The following RELCH variants were observed in gnomAD, a reference collection of about 807,000 sequenced individuals.
RELCH encodes the protein RAB11-binding protein RELCH.
In RELCH, 41 loss-of-function variants were observed where a neutral mutation model predicts 150.3. The ratio of observed to expected loss-of-function variants is 0.27; its 90% CI spans 0.21 to 0.35. RELCH has a LOEUF of 0.35. Among genes scored for constraint, RELCH ranks in the 10% least tolerant of loss-of-function variants. The pLI, the probability that RELCH is intolerant of heterozygous loss-of-function variation, is 1.00. For missense variants in RELCH, 1,092 were observed against 1,467.8 expected (o/e 0.74, Z 4.18); for synonymous variants, 478 against 531.8 (o/e 0.90, Z 1.39).
At chr18:62,220,755 G>C in intron 2 of RELCH, 1 of 393,950 alleles carries the variant, frequency 2.5e-6, no homozygotes. Flanking sequence ...ATGAGAGTAT[G>C]CCATAGATTT....
At chr18:62,227,223 A>G in intron 5 of RELCH, 66 bp from the exon 6 acceptor site, 2 of 1,089,886 alleles carry the variant, frequency 1.8e-6, no homozygotes, top group Non-Finnish European at 2.7e-6. Context: ...TAGCAATAAT[A>G]TGAATTTCAA....
intron 5 of RELCH, among the ~76,000 whole-genome samples, chr18:62,223,729 A>T (rs1254611135): frequency 6.6e-6 from 1 of 152,170 alleles, no homozygotes; most frequent in Non-Finnish European, 1.5e-5. Flanking sequence ...ACAATTCATT[A>T]TGACCAAATG....
intron 5 of RELCH, among the ~76,000 whole-genome samples, chr18:62,225,387 T>C (rs1568340999): frequency 1.3e-5 from 2 of 152,016 alleles, no homozygotes; most frequent in Non-Finnish European, 2.9e-5. Context: ...GAAGCCACTT[T>C]TAAGTGAATG....
At position 62,187,475 on chromosome 18, in the gene RELCH, A is replaced by G. The variant is rs1174979354; in HGVS notation, c.-31A>G. 1.3e-6 allele frequency: 2 copies of G among 1,496,996 alleles called. No individual in the cohort carries two copies. Among genetic ancestry groups the G allele is most frequent in the South Asian group, 2.8e-5 (2 of 70,352 alleles). The allele number at this position is 1,496,996 out of a possible 1,614,324, so 92.7% of individuals were successfully genotyped here. A position where few individuals can be genotyped will look rare whatever the true frequency, so the allele number is the denominator to read the frequency against. On this transcript the variant is annotated 5_prime_UTR_variant, in exon 1 of 29. Coordinates refer to ENST00000644646, the MANE Select transcript of RELCH (RefSeq NM_001346231.2). ...GGGCTGCGGCCCGTCGGAACCAGTC[A>G]GGGAGGCGCCCACACTCCTGACAGG...
chr18:62,244,167 G>A (rs1340406690), intron 10 of RELCH, among the ~76,000 whole-genome samples: 1 of 151,996 alleles, frequency 6.6e-6, no homozygotes, highest in Non-Finnish European at 1.5e-5. Context: ...TCTGCATATT[G>A]AATGTGAAGA....
intron 19 of RELCH, among the ~76,000 whole-genome samples, chr18:62,267,710 A>G (rs1242924965): frequency 2.0e-5 from 3 of 151,854 alleles, no homozygotes; most frequent in Non-Finnish European, 2.9e-5. Context: ...ATGTCTTTTT[A>G]AAGGATTGAT....
chr18:62,213,346 G>A (rs1232589775), intron 2 of RELCH, among the ~76,000 whole-genome samples: 1 of 151,890 alleles, frequency 6.6e-6, no homozygotes, highest in Non-Finnish European at 1.5e-5. Context: ...GAGTAAAATT[G>A]AAGAGGTTTA....
At position 62,227,437 on chromosome 18, in the gene RELCH, T is replaced by C; in HGVS notation, c.1007T>C (p.Leu336Pro). 6.2e-7 allele frequency: 1 copy of C among 1,613,180 alleles called. No individual in the cohort carries two copies. Among genetic ancestry groups the C allele is most frequent in the Non-Finnish European group, 8.5e-7 (1 of 1,179,540 alleles). Reference protein sequence around the residue: ...SGVEEDELEALTPIISNLPPT... With the variant: ...SGVEEDELEAPTPIISNLPPT... The stretch of plus-strand genomic sequence containing the variant: ...GTAGAAGAAGATGAATTAGAGGCCC[T>C]TACACCAATTATAAGCAACCTTCCT... The change falls in exon 6 of 29, where the codon CTT becomes CCT. Residue 336 changes from leucine to proline, a missense_variant. Coordinates refer to ENST00000644646, the MANE Select transcript of RELCH (RefSeq NM_001346231.2).
At chr18:62,272,133 G>A (rs2043937033) in intron 20 of RELCH, among the ~76,000 whole-genome samples, 1 of 151,988 alleles carries the variant, frequency 6.6e-6, no homozygotes, top group Non-Finnish European at 1.5e-5. Context: ...ACCCTGATAT[G>A]GATACTTTTC....
intron 22 of RELCH, among the ~76,000 whole-genome samples, chr18:62,278,192 C>T (rs1305493168): frequency 1.3e-5 from 2 of 152,082 alleles, no homozygotes; most frequent in African/African-American, 2.4e-5. Flanking sequence ...CTCTACATTA[C>T]CTCTTTTTTA....
intron 1 of RELCH, among the ~76,000 whole-genome samples, chr18:62,191,440 C>T (rs1220901332): frequency 6.6e-6 from 1 of 152,102 alleles, no homozygotes; most frequent in Non-Finnish European, 1.5e-5. Flanking sequence ...TCACCTTCAA[C>T]TTCCAGGGTA....
intron 18 of RELCH, among the ~76,000 whole-genome samples, chr18:62,266,268 C>T (rs940553139): frequency 9.9e-5 from 15 of 151,722 alleles, no homozygotes; most frequent in Admixed American, 2.0e-4. Context: ...TTACTAAACA[C>T]CTGAAGTGAC....
intron 22 of RELCH, chr18:62,277,517 G>A (rs1391558733): frequency 3.3e-6 from 2 of 611,992 alleles, no homozygotes; most frequent in African/African-American, 3.9e-5. Context: ...TTAGAATTAT[G>A]CCTGCTTACC....
At chr18:62,252,180 T>C (rs2042745491) in intron 11 of RELCH, among the ~76,000 whole-genome samples, 2 of 147,394 alleles carry the variant, frequency 1.4e-5, no homozygotes, top group South Asian at 4.3e-4. Context: ...TTTTTTTTTT[T>C]AGTAGAGACG....
intron 11 of RELCH, among the ~76,000 whole-genome samples, chr18:62,248,726 G>A (rs544136844): frequency 6.6e-6 from 1 of 152,078 alleles, no homozygotes; most frequent in South Asian, 2.1e-4. Flanking sequence ...GCATCACTGG[G>A]TTATCAGTAA....
At chr18:62,299,618 G>GT (rs1374444334) in intron 28 of RELCH, among the ~76,000 whole-genome samples, 1 of 152,096 alleles carries the variant, frequency 6.6e-6, no homozygotes, top group East Asian at 1.9e-4. Context: ...AATGGAAGCA[G>GT]TCTTCTCCAT....
At chr18:62,277,671 TTCAC>T in intron 22 of RELCH, 3 of 977,382 alleles carry the variant, frequency 3.1e-6, no homozygotes, top group Non-Finnish European at 3.6e-6. Flanking sequence ...GTCACTGAAA[TTCAC>T]TAATAAATTG....
chr18:62,301,704 C>CCA (rs1442987582), intron 28 of RELCH, among the ~76,000 whole-genome samples: 1 of 152,060 alleles, frequency 6.6e-6, no homozygotes, highest in Non-Finnish European at 1.5e-5. Flanking sequence ...GGTCTAGGAA[C>CCA]CACACCTTGA....
chr18:62,276,488 T>C (rs2044215630), intron 22 of RELCH, among the ~76,000 whole-genome samples: 1 of 152,100 alleles, frequency 6.6e-6, no homozygotes, highest in Non-Finnish European at 1.5e-5. Context: ...ACAAAATATA[T>C]GATAGTAATA....
Sources: allele counts gnomAD v4.1 joint callset (sites outside exome capture counted in the v4.1 genomes callset), GRCh38; gene constraint gnomAD v4.1.1; transcripts MANE v1.5; gene names NCBI Gene and HGNC (gene_info 2026-07-23, HGNC 2026-07-21).